MBTPS1: variants seen among roughly 807,000 people sequenced by gnomAD.
MBTPS1 encodes membrane bound transcription factor peptidase, site 1.
In MBTPS1, 94 loss-of-function variants were observed where a neutral mutation model predicts 127.8. That is an observed-to-expected ratio of 0.74 (90% confidence interval 0.62 to 0.87). The LOEUF is 0.87. MBTPS1 is among the 40% of genes least tolerant of loss of function. MBTPS1 has a pLI of 0.00. For synonymous variants in MBTPS1, 632 were observed against 509.4 expected, an observed-to-expected ratio of 1.24 and a Z score of -3.24; for missense variants, 1,636 against 1,353.2, an observed-to-expected ratio of 1.21 and a Z score of -3.28.
Position 84,091,822 on chromosome 16 carries a change from G to C in MBTPS1, c.873C>G (p.Asp291Glu), listed in dbSNP as rs762887983. The change falls in exon 7 of 23, where the codon GAC becomes GAG. Residue 291 changes from aspartate to glutamate, a missense_variant. Coordinates refer to ENST00000343411, the MANE Select transcript of MBTPS1 (RefSeq NM_003791.4). Reference sequence around the variant, plus strand: ...TCTTTAAAATGGCATAGTTGAAGGCGTCCAAAAACCAAGATGTGTAAGATA... The same window carrying C: ...TCTTTAAAATGGCATAGTTGAAGGCCTCCAAAAACCAAGATGTGTAAGATA... The part of the protein sequence containing the change: ...NQVSYTSWFL[D>E]AFNYAILKKI... The C allele has an allele frequency of 4.3e-6, 7 of 1,612,818 alleles. No homozygotes were observed. Among genetic ancestry groups the C allele is most frequent in the Middle Eastern group, 1.6e-4 (1 of 6,082 alleles).
intron 16 of MBTPS1, among the ~76,000 whole-genome samples, 194 bp from the exon 17 acceptor site, chr16:84,066,807 A>G (rs2085690909): frequency 6.6e-6 from 1 of 152,262 alleles, no homozygotes; most frequent in African/African-American, 2.4e-5. Flanking sequence ...TGTAGAATTA[A>G]TTAAAGCAAA....
intron 2 of MBTPS1, 134 bp downstream of exon 2, chr16:84,101,487 T>C (rs2086254434): frequency 6.5e-6 from 5 of 772,966 alleles, no homozygotes; most frequent in South Asian, 2.1e-5. Context: ...TGAGACTCTG[T>C]CTCAAAAAAA....
rs184223852 is a variant in MBTPS1, at chr16:84,101,377, G to C, written c.163+244C>G. On this transcript the variant is annotated intron_variant, in intron 2 of 22. Transcript: ENST00000343411. Reference sequence around the variant, plus strand: ...ACGGTGGCAGTCACCTATAATCCCAGCTACTTGGGAGGCTGAGGCATGAGA... The same window carrying C: ...ACGGTGGCAGTCACCTATAATCCCACCTACTTGGGAGGCTGAGGCATGAGA... 0.015 allele frequency among the ~76,000 whole-genome samples: 2,221 copies of C among 151,956 alleles called. 38 individuals are homozygous for C. Among genetic ancestry groups the C allele is most frequent in the Non-Finnish European group, 0.019 (1,273 of 67,934 alleles).
chr16:84,067,870 A>C, intron 15 of MBTPS1, 47 bp from the exon 16 acceptor site: 1 of 1,571,660 alleles, frequency 6.4e-7, no homozygotes, highest in Non-Finnish European at 8.7e-7. Context: ...TCTGAATGAC[A>C]GGACACCACC....
At position 84,097,154 on chromosome 16, in the gene MBTPS1, T is replaced by C. The variant is rs568048662; in HGVS notation, c.422-1349A>G. ...TAACTACTGTCACGCAGAAAACAGA[T>C]AGGCTTTGTCTTATGGCCCATGGGA... On this transcript the variant is annotated intron_variant, in intron 3 of 22. Transcript: ENST00000343411. 1.4e-4 allele frequency among the ~76,000 whole-genome samples: 22 copies of C among 152,272 alleles called. No individual in the cohort carries two copies. In the South Asian group the frequency reaches 4.4e-3, roughly 30 times the overall value.
At chr16:84,084,460 T>TG (rs1315447287) in intron 10 of MBTPS1, among the ~76,000 whole-genome samples, 1 of 152,222 alleles carries the variant, frequency 6.6e-6, no homozygotes, top group Admixed American at 6.5e-5. Context: ...TGTGAGAAGA[T>TG]GGATGTGTTC....
chr16:84,097,780 A>G (rs1488753584), intron 3 of MBTPS1, among the ~76,000 whole-genome samples: 1 of 152,080 alleles, frequency 6.6e-6, no homozygotes, highest in Non-Finnish European at 1.5e-5. Context: ...AAGGCTCTGA[A>G]AAAGTCAGAC....
At chr16:84,074,540 C>T (rs1225605523) in intron 12 of MBTPS1, 57 bp downstream of exon 12, 2 of 1,571,810 alleles carry the variant, frequency 1.3e-6, no homozygotes, top group Admixed American at 1.7e-5. Context: ...GCCTAAAGGT[C>T]TGGGCTGTGT....
At chr16:84,072,358 G>GA (rs2085782721) in intron 12 of MBTPS1, among the ~76,000 whole-genome samples, 1 of 152,128 alleles carries the variant, frequency 6.6e-6, no homozygotes, top group African/African-American at 2.4e-5. Context: ...TTCTTTTAGG[G>GA]AATGTTCCTG....
At chr16:84,099,736 C>G (rs1269607477) in intron 2 of MBTPS1, among the ~76,000 whole-genome samples, 1 of 149,700 alleles carries the variant, frequency 6.7e-6, no homozygotes, top group East Asian at 2.0e-4. Context: ...GAGATTGCAC[C>G]ACTGCACTCC....
At chr16:84,064,643 G>A (rs986521625) in intron 18 of MBTPS1, among the ~76,000 whole-genome samples, 11 of 152,152 alleles carry the variant, frequency 7.2e-5, no homozygotes, top group Non-Finnish European at 1.5e-4. Flanking sequence ...CCACCGCTTT[G>A]ATCCCTTGTT....
chr16:84,076,024 G>A (rs527824215), intron 11 of MBTPS1, among the ~76,000 whole-genome samples: 7 of 152,268 alleles, frequency 4.6e-5, no homozygotes, highest in African/African-American at 1.7e-4. Context: ...AATTCAACAT[G>A]ATTTAACTAG....
At chr16:84,091,486 C>CAAAAAAAAAAAAAAAAAAAAAACAAAAA in intron 7 of MBTPS1, among the ~76,000 whole-genome samples, 1 of 85,666 alleles carries the variant, frequency 1.2e-5, no homozygotes, top group Non-Finnish European at 2.2e-5. Flanking sequence ...AACTCCATCT[C>CAAAAAAAAAAAAAAAAAAAAAACAAAAA]AAAAAAAAAA....
rs1391822112 is a variant in MBTPS1, at chr16:84,101,668, G to A, written c.116C>T (p.Ser39Phe). ...SFEKAPCPGC[S>F]HLTLKVEFSS... ...GAATTCCACCTTCAAAGTCAGGTGGGAACAGCCAGGGCATGGGGCCTTTTC... is the reference window on the plus strand; with the variant it reads ...GAATTCCACCTTCAAAGTCAGGTGGAAACAGCCAGGGCATGGGGCCTTTTC... Residue 39 changes from serine to phenylalanine, a missense_variant, in exon 2 of 23, where the codon TCC becomes TTC. By Grantham distance (155) the Ser-to-Phe change is radical. Transcript: ENST00000343411. 2 of 1,613,962 alleles carry A rather than the reference G, an allele frequency of 1.2e-6. No individual in the cohort carries two copies. Among genetic ancestry groups the A allele is most frequent in the East Asian group, 4.5e-5 (2 of 44,884 alleles).
Position 84,093,258 on chromosome 16 carries a change from C to G in MBTPS1, c.776G>C (p.Ser259Thr). The G allele has an allele frequency of 6.2e-7, 1 of 1,614,084 alleles. No homozygotes were observed. The highest frequency in any genetic ancestry group is 8.5e-7 in the Non-Finnish European group (1 of 1,179,918). The stretch of plus-strand genomic sequence containing the variant: ...AGCAAATCCTTGGCACTCCCTCATG[C>G]TGGCTATCACACCTGCCACGAATGT... ...HGTFVAGVIA[S>T]MRECQGFAPD... The change falls in exon 6 of 23, where the codon AGC becomes ACC. Residue 259 changes from serine (S) to threonine (T), a missense_variant. Physicochemically the swap from Ser to Thr is moderately conservative, Grantham distance 58 (BLOSUM62 1). Transcript: ENST00000343411.
chr16:84,060,598 T>G, intron 20 of MBTPS1, 84 bp downstream of exon 20: 1 of 1,511,908 alleles, frequency 6.6e-7, no homozygotes, highest in Non-Finnish European at 9.0e-7. Context: ...CCCCACTTGC[T>G]GGCAGGCACA....
At chr16:84,059,683 C>T in intron 20 of MBTPS1, 1 of 325,684 alleles carries the variant, frequency 3.1e-6, no homozygotes, top group South Asian at 4.1e-5. Flanking sequence ...GATGTGTGCA[C>T]AGCACTGGCT....
At chr16:84,100,485 G>A (rs374106087) in intron 2 of MBTPS1, among the ~76,000 whole-genome samples, 6 of 152,098 alleles carry the variant, frequency 3.9e-5, no homozygotes, top group Admixed American at 1.3e-4. Context: ...TGGAGGTTGC[G>A]GTGAGCTGAG....
rs1364038591 is a variant in MBTPS1, at chr16:84,099,135, C to T, written c.339G>A (p.Gly113=). 6.2e-7 allele frequency: 1 copy of T among 1,614,102 alleles called. No homozygotes were observed. The highest frequency in any genetic ancestry group is 8.5e-7 in the Non-Finnish European group (1 of 1,180,012). ...TTGGATGATCTTCAAGTGTTAGCAG[C>T]CCCGCTTTCTGTTTTTCTTTTATCT... ...VIQIKEKQKA[G]LLTLEDHPNI... is the part of the protein sequence containing the mutation. The change falls in exon 3 of 23, where the codon GGG becomes GGA. Residue 113 remains glycine (G), a synonymous_variant. Transcript: ENST00000343411.
Sources: gnomAD v4.1 joint callset for allele counts (sites outside exome capture counted in the v4.1 genomes callset) on GRCh38, gnomAD v4.1.1 for gene constraint, MANE v1.5 for transcripts, NCBI Gene and HGNC (gene_info 2026-07-23, HGNC 2026-07-21) for gene names.